Variants in TRAF1 observed in about 807,000 individuals in gnomAD.
The protein encoded by TRAF1 is TNF receptor associated factor 1.
TRAF1 carries 23 observed loss-of-function variants against 40.9 expected under a neutral mutation model. The ratio of observed to expected loss-of-function variants is 0.56; its 90% CI spans 0.40 to 0.80. The LOEUF (loss-of-function observed/expected upper bound fraction) is 0.80. TRAF1 is among the 30% of genes least tolerant of loss of function. The pLI, the probability that TRAF1 is intolerant of heterozygous loss-of-function variation, is 0.00. For synonymous variants in TRAF1, 206 were observed against 218.8 expected, an observed-to-expected ratio of 0.94 and a Z score of 0.52; for missense variants, 477 against 528.7, an observed-to-expected ratio of 0.90 and a Z score of 0.96.
chr9:120,911,284 C>T (rs1354951137), intron 6 of TRAF1, 52 bp downstream of exon 6: 1 of 1,581,898 alleles, frequency 6.3e-7, no homozygotes, highest in Non-Finnish European at 8.6e-7. Context: ...CTTCCTGGGT[C>T]CTGTGGGGCC....
At chr9:120,921,004 G>A (rs958851924) in intron 3 of TRAF1, among the ~76,000 whole-genome samples, 12 of 152,140 alleles carry the variant, frequency 7.9e-5, no homozygotes, top group Admixed American at 6.5e-4. Context: ...GCTTTGTGTA[G>A]GTGATCAGAC....
At chr9:120,909,518 A>G in intron 6 of TRAF1, 140 bp from the exon 7 acceptor site, 1 of 1,007,148 alleles carries the variant, frequency 9.9e-7, no homozygotes, top group Non-Finnish European at 1.4e-6. Flanking sequence ...CTTCTCGAGT[A>G]GGGTGTCAGA....
rs924192843 is a variant in TRAF1, at chr9:120,902,521, G to C, written c.*2499C>G. The C allele has an allele frequency of 7.0e-6, 1 of 143,194 alleles. No homozygotes were observed. Among genetic ancestry groups the C allele is most frequent in the Non-Finnish European group, 1.5e-5 (1 of 65,340 alleles). The allele number at this position is 143,194 out of a possible 1,614,324, so 8.9% of individuals were successfully genotyped here. On this transcript the variant is annotated 3_prime_UTR_variant, in exon 8 of 8. Transcript: ENST00000373887. ...GGGCAGGGCGGGGGGTGGGGGGGGG[G>C]GCGGTGGGCACTGCTGCATCTGATG...
At position 120,905,246 on chromosome 9, in the gene TRAF1, G is replaced by A; in HGVS notation, c.1033-8C>T. On this transcript the variant is annotated splice_region_variant and splice_polypyrimidine_tract_variant and intron_variant, in intron 7 of 7. Coordinates refer to ENST00000373887, the MANE Select transcript of TRAF1 (RefSeq NM_005658.5). ...CAGCAGCATGAAGGTGACCTGCAGG[G>A]AAGGGATAGGTGGGAGATCAGGCCC... The A allele has an allele frequency of 6.3e-7, 1 of 1,599,086 alleles. No homozygotes were observed. The highest frequency in any genetic ancestry group is 1.3e-5 in the African/African-American group (1 of 74,780).
intron 2 of TRAF1, among the ~76,000 whole-genome samples, chr9:120,924,933 G>T (rs7034492): frequency 2.0e-5 from 3 of 152,046 alleles, no homozygotes; most frequent in Non-Finnish European, 2.9e-5. Flanking sequence ...GGTTTTGGAA[G>T]GAGGGAGAGG....
At chr9:120,907,287 T>G (rs2046490491) in intron 7 of TRAF1, among the ~76,000 whole-genome samples, 1 of 152,262 alleles carries the variant, frequency 6.6e-6, no homozygotes, top group South Asian at 2.1e-4. Flanking sequence ...TTTTCATGGC[T>G]TGATAGCTCA....
chr9:120,926,217 T>C lies in TRAF1; in HGVS notation c.-142A>G, dbSNP rs1487480332. ...ATCTTCTTCTCTCTGGCTTGTGTGG[T>C]TCAACGTCACAGCTGAGTCACAGCA... On this transcript the variant is annotated 5_prime_UTR_variant, in exon 2 of 8. Transcript: ENST00000373887. 3 of 924,746 alleles carry C rather than the reference T, an allele frequency of 3.2e-6. No homozygotes were observed. In the East Asian group the frequency reaches 9.2e-5, roughly 28 times the overall value. The allele number at this position is 924,746 out of a possible 1,614,324, so 57.3% of individuals were successfully genotyped here. A position where few individuals can be genotyped will look rare whatever the true frequency, so the allele number is the denominator to read the frequency against.
At position 120,913,688 on chromosome 9, in the gene TRAF1, G is replaced by T. The variant is rs2046548096; in HGVS notation, c.345C>A (p.His115Gln). ...QEHEVTSQTS[H>Q]LNLLLGFMKQ... ...TCATGAACCCCAACAGCAGGTTTAG[G>T]TGGGAGGTCTGGGAGGTGACCTCAT... Residue 115 changes from histidine to glutamine, a missense_variant, in exon 5 of 8, where the codon CAC becomes CAA. Physicochemically the swap from His to Gln is conservative, Grantham distance 24. Transcript: ENST00000373887. The T allele has an allele frequency of 1.2e-6, 2 of 1,609,722 alleles. No individual in the cohort carries two copies. Among genetic ancestry groups the T allele is most frequent in the African/African-American group, 1.3e-5 (1 of 74,956 alleles).
chr9:120,913,537 G>T lies in TRAF1; in HGVS notation c.496C>A (p.Arg166=). The T allele has an allele frequency of 6.2e-7, 1 of 1,613,760 alleles. No homozygotes were observed. Among genetic ancestry groups the T allele is most frequent in the Non-Finnish European group, 8.5e-7 (1 of 1,179,932 alleles). The part of the protein sequence containing the change: ...VAGDLEVDCY[R]APCSESQEEL... ...TCCTGGCTCTCGGAGCAGGGTGCCCGGTAGCAATCGACCTCCAGGTCCCCC... is the reference window on the plus strand; with the variant it reads ...TCCTGGCTCTCGGAGCAGGGTGCCCTGTAGCAATCGACCTCCAGGTCCCCC... The change falls in exon 5 of 8, where the codon CGG becomes AGG. Residue 166 remains arginine (R), a synonymous_variant. Transcript: ENST00000373887.
chr9:120,911,659 C>T, intron 5 of TRAF1, 146 bp from the exon 6 acceptor site: 2 of 941,776 alleles, frequency 2.1e-6, no homozygotes, highest in East Asian at 2.6e-5. Flanking sequence ...AATGTGCTGC[C>T]CCCTGCCTGG....
intron 3 of TRAF1, among the ~76,000 whole-genome samples, chr9:120,916,017 T>C (rs777978410): frequency 1.4e-4 from 22 of 152,212 alleles, no homozygotes; most frequent in Non-Finnish European, 2.8e-4. Flanking sequence ...CAAAGGTGTG[T>C]ATGTGAATGT....
chr9:120,923,641 C>G (rs1343897755), intron 3 of TRAF1, 64 bp downstream of exon 3: 7 of 1,550,000 alleles, frequency 4.5e-6, no homozygotes, highest in Middle Eastern at 1.7e-4. Context: ...CAGCTGTCTA[C>G]TTGGCTTCAA....
At chr9:120,924,160 A>T (rs2046623167) in intron 2 of TRAF1, among the ~76,000 whole-genome samples, 1 of 152,226 alleles carries the variant, frequency 6.6e-6, no homozygotes, top group South Asian at 2.1e-4. Context: ...TTTCTAAAAA[A>T]AATTCTGAAT....
In TRAF1 at chr9:120,914,239, A is replaced by G; in HGVS notation, c.290T>C (p.Phe97Ser). ...GCPFAGVGCSFKGSPQSVQEH... is the reference protein window; with the variant it reads ...GCPFAGVGCSSKGSPQSVQEH... The stretch of plus-strand genomic sequence containing the variant: ...TTCTCACACTCAGATGCTTACCTTG[A>G]AGGAGCAGCCGACACCTGCAAAGGG... Residue 97 changes from phenylalanine (F) to serine (S), a missense_variant, in exon 4 of 8, where the codon TTC (phenylalanine) becomes TCC (serine). By Grantham distance (155) the Phe-to-Ser change is radical. Coordinates refer to ENST00000373887, the MANE Select transcript of TRAF1 (RefSeq NM_005658.5). The G allele has an allele frequency of 6.5e-7, 1 of 1,534,228 alleles. No homozygotes were observed.
At chr9:120,915,017 C>G (rs1404010682) in intron 3 of TRAF1, among the ~76,000 whole-genome samples, 1 of 152,114 alleles carries the variant, frequency 6.6e-6, no homozygotes, top group African/African-American at 2.4e-5. Context: ...AACTGAGGCT[C>G]ACAGAGGGGA....
At chr9:120,906,713 T>C (rs565256900) in intron 7 of TRAF1, among the ~76,000 whole-genome samples, 55 of 152,346 alleles carry the variant, frequency 3.6e-4, no homozygotes, top group African/African-American at 1.3e-3. Flanking sequence ...TTTCACTTTC[T>C]ATGGGTTTTG....
At chr9:120,915,684 A>T (rs979606884) in intron 3 of TRAF1, among the ~76,000 whole-genome samples, 1 of 152,048 alleles carries the variant, frequency 6.6e-6, no homozygotes, top group Non-Finnish European at 1.5e-5. Context: ...AAAATTTTTT[A>T]ATTAGCAGTC....
At chr9:120,920,303 T>TC (rs766340208) in intron 3 of TRAF1, among the ~76,000 whole-genome samples, 7 of 152,260 alleles carry the variant, frequency 4.6e-5, no homozygotes, top group South Asian at 2.1e-4. Flanking sequence ...GTTGCATCAC[T>TC]CAGAGCTCCC....
intron 4 of TRAF1, 123 bp downstream of exon 4, chr9:120,914,112 T>C: frequency 1.2e-6 from 1 of 847,498 alleles, no homozygotes; most frequent in Non-Finnish European, 1.7e-6. Flanking sequence ...AAGTCATTAG[T>C]ACAAAGGACA....
Sources: gnomAD v4.1 joint callset for allele counts (sites outside exome capture counted in the v4.1 genomes callset) on GRCh38, gnomAD v4.1.1 for gene constraint, MANE v1.5 for transcripts, NCBI Gene and HGNC (gene_info 2026-07-23, HGNC 2026-07-21) for gene names.